The following PTPN11 variants were observed in gnomAD, a reference collection of about 807,000 sequenced individuals.
PTPN11 encodes the protein tyrosine-protein phosphatase non-receptor type 11.
In PTPN11, 6 loss-of-function variants were observed where a neutral mutation model predicts 78.8. The ratio of observed to expected loss-of-function variants is 0.08; its 90% CI spans 0.04 to 0.15. The LOEUF (loss-of-function observed/expected upper bound fraction) is 0.15. PTPN11 is among the 10% of genes least tolerant of loss of function. PTPN11 has a pLI of 1.00. For missense variants in PTPN11, 386 were observed against 744.8 expected, an observed-to-expected ratio of 0.52 and a Z score of 5.61; for synonymous variants, 221 against 263.5, an observed-to-expected ratio of 0.84 and a Z score of 1.56.
intron 1 of PTPN11, among the ~76,000 whole-genome samples, chr12:112,429,481 CTTTTTT>C (rs1177861343): frequency 9.0e-6 from 1 of 110,822 alleles, no homozygotes; most frequent in African/African-American, 3.4e-5. Flanking sequence ...GTTGAAACTA[CTTTTTT>C]TTTTTTTTTT....
chr12:112,504,670 GTCTT>G lies in PTPN11; in HGVS notation c.1713-19_1713-16del. 6.6e-7 allele frequency: 1 copy of G among 1,518,788 alleles called. No homozygotes were observed. Among genetic ancestry groups the G allele is most frequent in the Non-Finnish European group, 9.1e-7 (1 of 1,096,506 alleles). 94.1% of individuals were successfully genotyped at this position (1,518,788 alleles called of 1,614,324 possible). A position where few individuals can be genotyped will look rare whatever the true frequency, so the allele number is the denominator to read the frequency against. On this transcript the variant is annotated intron_variant, in intron 14 of 15. Coordinates refer to ENST00000351677, the MANE Select transcript of PTPN11 (RefSeq NM_002834.5). This position sits in a 1 kb window ranked among gnomAD's most constrained non-coding sequence, Gnocchi z 4.7. Reference sequence around the variant, plus strand: ...CAGCGTGGTCTACATTTTTGTAAATGTCTTTCTTTTTCTTTTCTCTCCAGAATGA... The same window carrying G: ...CAGCGTGGTCTACATTTTTGTAAATGTCTTTTTCTTTTCTCTCCAGAATGA...
intron 5 of PTPN11, 139 bp downstream of exon 5, chr12:112,454,819 T>A (rs1356858468): frequency 3.8e-5 from 7 of 186,100 alleles, no homozygotes; most frequent in Non-Finnish European, 7.8e-5. Flanking sequence ...CTATCAAATC[T>A]TTTTTTTTTT....
chr12:112,427,657 G>A (rs928164145), intron 1 of PTPN11, among the ~76,000 whole-genome samples: 8 of 151,926 alleles, frequency 5.3e-5, no homozygotes, highest in African/African-American at 9.7e-5. Context: ...AGGTTTTGCA[G>A]GTGTTAGAAT....
rs566068139 is a variant in PTPN11, at chr12:112,446,286, C to T, written c.25C>T (p.Pro9Ser). Reference sequence around the variant, plus strand: ...GTCTTTCTTTTTAAGATGGTTTCACCCAAATATCACTGGTGTGGAGGCAGA... The same window carrying T: ...GTCTTTCTTTTTAAGATGGTTTCACTCAAATATCACTGGTGTGGAGGCAGA... The part of the protein sequence containing the change: MTSRRWFH[P>S]NITGVEAENL... Residue 9 changes from proline to serine, a missense_variant, in exon 2 of 16, where the codon CCA (proline) becomes TCA (serine). Physicochemically the swap from Pro to Ser is moderately conservative, Grantham distance 74 (BLOSUM62 -1). Coordinates refer to ENST00000351677, the MANE Select transcript of PTPN11 (RefSeq NM_002834.5). 1 of 1,613,686 alleles carries T rather than the reference C, an allele frequency of 6.2e-7. No individual in the cohort carries two copies.
chr12:112,477,774 G>T (rs2135901608), intron 8 of PTPN11, 44 bp downstream of exon 8: 13 of 1,604,608 alleles, frequency 8.1e-6, no homozygotes, highest in Non-Finnish European at 1.1e-5. Context: ...TACATTTCTA[G>T]CCTATTTTTG....
At chr12:112,461,416 C>G (rs2038246685) in intron 6 of PTPN11, among the ~76,000 whole-genome samples, 1 of 151,132 alleles carries the variant, frequency 6.6e-6, no homozygotes, top group African/African-American at 2.4e-5. Flanking sequence ...GTTGCGAACT[C>G]TTGGGCTGAG....
intron 2 of PTPN11, among the ~76,000 whole-genome samples, chr12:112,449,536 T>C (rs2038047985): frequency 1.3e-5 from 2 of 152,048 alleles, no homozygotes; most frequent in Non-Finnish European, 2.9e-5. Context: ...AAAAAATTGC[T>C]GCATAGTATT....
intron 1 of PTPN11, among the ~76,000 whole-genome samples, chr12:112,424,986 GTGTGTGTGTGTGTGTGTGTGTGTA>G (rs1380413201): frequency 4.8e-5 from 7 of 144,884 alleles, no homozygotes; most frequent in African/African-American, 1.9e-4. Context: ...GTGTGTGTGT[GTGTGTGTGTGTGTGTGTGTGTGTA>G]TGTAGAGATG....
intron 1 of PTPN11, among the ~76,000 whole-genome samples, chr12:112,440,101 A>C (rs1317371939): frequency 6.6e-6 from 1 of 152,178 alleles, no homozygotes; most frequent in Admixed American, 6.6e-5. Flanking sequence ...TTGATTCCTT[A>C]GAATTCTGGG....
chr12:112,487,716 G>C (rs1296088829), intron 11 of PTPN11, among the ~76,000 whole-genome samples: 1 of 152,086 alleles, frequency 6.6e-6, no homozygotes, highest in African/African-American at 2.4e-5. Context: ...CAGCCTCTGA[G>C]CACAATGTTT....
chr12:112,491,633 C>T (rs1243307397), intron 13 of PTPN11, among the ~76,000 whole-genome samples: 1 of 152,156 alleles, frequency 6.6e-6, no homozygotes, highest in Non-Finnish European at 1.5e-5. Context: ...AACCTACAGA[C>T]CATCTTCAAA....
chr12:112,503,926 C>T (rs1233955280), intron 14 of PTPN11, among the ~76,000 whole-genome samples: 2 of 152,172 alleles, frequency 1.3e-5, no homozygotes, highest in Non-Finnish European at 2.9e-5. Context: ...GGCCCTCTGT[C>T]CTAGGCCCTA....
chr12:112,504,289 G>A lies in PTPN11; in HGVS notation c.1713-406G>A, dbSNP rs2038909389. The stretch of plus-strand genomic sequence containing the variant: ...CTGCTCACTGCAACCTCCATCTCCC[G>A]AGTTCAAGAGATTCTTCTGCCTCAG... On this transcript the variant is annotated intron_variant, in intron 14 of 15. Transcript: ENST00000351677. The surrounding 1 kb of genome is among the most constrained non-coding windows in gnomAD (Gnocchi z 4.7). 6.6e-6 allele frequency among the ~76,000 whole-genome samples: 1 copy of A among 152,168 alleles called. No individual in the cohort carries two copies. The highest frequency in any genetic ancestry group is 2.4e-5 in the African/African-American group (1 of 41,430).
intron 2 of PTPN11, among the ~76,000 whole-genome samples, chr12:112,449,061 A>G (rs935026965): frequency 2.0e-5 from 3 of 150,752 alleles, no homozygotes; most frequent in African/African-American, 7.3e-5. Context: ...TAATTTTTGT[A>G]TTTTTAGTAG....
At chr12:112,484,012 C>T (rs1479997319) in intron 10 of PTPN11, among the ~76,000 whole-genome samples, 2 of 151,886 alleles carry the variant, frequency 1.3e-5, no homozygotes, top group African/African-American at 2.4e-5. Flanking sequence ...TGCAGAGCGT[C>T]GTGGATGGAT....
At chr12:112,491,405 G>A (rs2038743150) in intron 13 of PTPN11, among the ~76,000 whole-genome samples, 1 of 152,014 alleles carries the variant, frequency 6.6e-6, no homozygotes, top group Admixed American at 6.5e-5. Context: ...AATTAAAAAT[G>A]TAAATTTTAA....
At chr12:112,429,231 A>C (rs2037672526) in intron 1 of PTPN11, among the ~76,000 whole-genome samples, 2 of 152,136 alleles carry the variant, frequency 1.3e-5, no homozygotes, top group African/African-American at 4.8e-5. Flanking sequence ...TAATAGTGAA[A>C]ACTAATGTTT....
At chr12:112,493,382 CA>C (rs2038777240) in intron 13 of PTPN11, among the ~76,000 whole-genome samples, 2 of 147,414 alleles carry the variant, frequency 1.4e-5, no homozygotes, top group African/African-American at 2.5e-5. Flanking sequence ...TTTAAGTGTA[CA>C]TTTTTTTTTT....
Position 112,488,520 on chromosome 12 carries a change from C to T in PTPN11, c.1447+10C>T, listed in dbSNP as rs1435448604. On this transcript the variant is annotated intron_variant, in intron 12 of 15. Transcript: ENST00000351677. ...ATCATCAGAGAGAAAGGTGGGTCAT[C>T]TGGTGGGCAAGAAGCGACAGTTTCT... 2 of 1,597,520 alleles carry T rather than the reference C, an allele frequency of 1.3e-6. No individual in the cohort carries two copies. Among genetic ancestry groups the T allele is most frequent in the Non-Finnish European group, 1.7e-6 (2 of 1,164,978 alleles).
Sources: allele counts gnomAD v4.1 joint callset (sites outside exome capture counted in the v4.1 genomes callset), GRCh38; gene constraint gnomAD v4.1.1; non-coding constraint Gnocchi (gnomAD v3.1); transcripts MANE v1.5; gene names NCBI Gene and HGNC (gene_info 2026-07-23, HGNC 2026-07-21).